Variants in LAP3 observed in about 807,000 individuals in gnomAD.
LAP3 encodes cytosol aminopeptidase.
Under a neutral mutation model 58.8 loss-of-function variants are expected in LAP3, and 46 were observed. The observed-to-expected ratio is 0.78, with a 90% CI of 0.62 to 1.00. LAP3 has a LOEUF of 1.00. Among genes scored for constraint, LAP3 ranks in the 50% least tolerant of loss-of-function variants. The pLI is 0.00. For missense variants in LAP3, 615 were observed against 659.1 expected, an observed-to-expected ratio of 0.93 and a Z score of 0.73; for synonymous variants, 257 against 237.7, an observed-to-expected ratio of 1.08 and a Z score of -0.75.
At chr4:17,580,837 T>C (rs1030572391) in intron 2 of LAP3, among the ~76,000 whole-genome samples, 1 of 152,212 alleles carries the variant, frequency 6.6e-6, no homozygotes, top group African/African-American at 2.4e-5. Flanking sequence ...TTGGCAGACA[T>C]GGAAGTATCC....
intron 7 of LAP3, among the ~76,000 whole-genome samples, chr4:17,591,817 C>T (rs990101623): frequency 1.3e-5 from 2 of 152,148 alleles, no homozygotes; most frequent in African/African-American, 2.4e-5. Context: ...GAAGCTTGGT[C>T]GCTGCGGGCC....
intron 12 of LAP3, 48 bp downstream of exon 12, chr4:17,606,986 C>T: frequency 3.3e-6 from 4 of 1,220,802 alleles, no homozygotes; most frequent in Non-Finnish European, 3.6e-6. Flanking sequence ...TCCTTGATTG[C>T]CAAAATAGCT....
intron 4 of LAP3, among the ~76,000 whole-genome samples, chr4:17,583,238 G>A (rs368816067): frequency 2.0e-5 from 3 of 152,282 alleles, no homozygotes; most frequent in East Asian, 3.9e-4. Context: ...TACGGCTCTG[G>A]GAGGAGCTAT....
At chr4:17,602,960 G>A (rs1179060582) in intron 10 of LAP3, among the ~76,000 whole-genome samples, 1 of 151,606 alleles carries the variant, frequency 6.6e-6, no homozygotes, top group Admixed American at 6.6e-5. Context: ...GGGATTACAG[G>A]TGTGAGCCAC....
chr4:17,577,322 C>A lies in LAP3; in HGVS notation c.-144C>A. On this transcript the variant is annotated 5_prime_UTR_variant, in exon 1 of 13. Coordinates refer to ENST00000226299, the MANE Select transcript of LAP3 (RefSeq NM_015907.3). ...GCCGGTGCTGCCCATCCGTCCCGCC[C>A]CCTAGACGCACGTCCGCTCGCCCGG... The A allele has an allele frequency of 1.4e-5, 5 of 367,404 alleles. No homozygotes were observed. The highest frequency in any genetic ancestry group is 2.2e-5 in the Non-Finnish European group (5 of 225,282). The allele number at this position is 367,404 out of a possible 1,614,324, so 22.8% of individuals were successfully genotyped here.
intron 7 of LAP3, among the ~76,000 whole-genome samples, chr4:17,590,813 G>C (rs923745294): frequency 1.3e-5 from 2 of 151,842 alleles, no homozygotes; most frequent in Non-Finnish European, 2.9e-5. Context: ...CTCGTCATCT[G>C]CCCGCCTCGG....
chr4:17,595,178 A>G (rs1713798174), intron 7 of LAP3, among the ~76,000 whole-genome samples: 1 of 150,392 alleles, frequency 6.6e-6, no homozygotes, highest in Non-Finnish European at 1.5e-5. Context: ...AGCTGGGACT[A>G]CAGGCGCCCA....
At chr4:17,604,786 T>C in intron 11 of LAP3, 119 bp downstream of exon 11, 1 of 763,184 alleles carries the variant, frequency 1.3e-6, no homozygotes, top group Non-Finnish European at 2.2e-6. Flanking sequence ...GGTTTGCCTT[T>C]GAATTGAAAA....
At chr4:17,592,664 A>G (rs1328510702) in intron 7 of LAP3, among the ~76,000 whole-genome samples, 1 of 152,182 alleles carries the variant, frequency 6.6e-6, no homozygotes, top group South Asian at 2.1e-4. Context: ...TTTCACTTCT[A>G]CCATCAATGT....
rs745777055 is a variant in LAP3 at position 17,582,268 on chromosome 4, T to G, written c.274-20T>G. ...GCTTGAAAGAAATAAAGTGGTTGAT[T>G]TGGTGTATCTGTGGGACAGGACTTC... On this transcript the variant is annotated intron_variant, in intron 3 of 12. Coordinates refer to ENST00000226299, the MANE Select transcript of LAP3 (RefSeq NM_015907.3). 6.3e-7 allele frequency: 1 copy of G among 1,593,614 alleles called. No homozygotes were observed. Among genetic ancestry groups the G allele is most frequent in the South Asian group, 1.1e-5 (1 of 90,438 alleles).
intron 8 of LAP3, among the ~76,000 whole-genome samples, chr4:17,596,261 G>GATT (rs1317371064): frequency 6.6e-6 from 1 of 152,112 alleles, no homozygotes; most frequent in African/African-American, 2.4e-5. Context: ...CTTTTCCGAG[G>GATT]ATTAATTCAG....
intron 10 of LAP3, among the ~76,000 whole-genome samples, chr4:17,600,406 G>A (rs1433320925): frequency 2.0e-5 from 3 of 151,774 alleles, no homozygotes; most frequent in African/African-American, 7.3e-5. Flanking sequence ...AGAGCTTCTA[G>A]GGTGGGGGGT....
At position 17,577,349 on chromosome 4, in the gene LAP3, G is replaced by A; in HGVS notation, c.-117G>A. 2.8e-6 allele frequency: 2 copies of A among 710,598 alleles called. No individual in the cohort carries two copies. Among genetic ancestry groups the A allele is most frequent in the Non-Finnish European group, 4.3e-6 (2 of 466,520 alleles). 44.0% of individuals were successfully genotyped at this position (710,598 alleles called of 1,614,324 possible). A position where few individuals can be genotyped will look rare whatever the true frequency, so the allele number is the denominator to read the frequency against. On this transcript the variant is annotated 5_prime_UTR_variant, in exon 1 of 13. Transcript: ENST00000226299. ...CTAGACGCACGTCCGCTCGCCCGGC[G>A]CCCGAGCCAGTCCGCGCGCACGCCG...
chr4:17,580,165 C>CAT lies in LAP3; in HGVS notation c.218+241_218+242dup, dbSNP rs372439585. 6.2e-3 allele frequency among the ~76,000 whole-genome samples: 287 copies of CAT among 45,950 alleles called. 85 individuals are homozygous for CAT. Among genetic ancestry groups the CAT allele is most frequent in the African/African-American group, 0.02 (155 of 7,826 alleles). The allele number at this position is 45,950 out of a possible 152,430, so 30.1% of individuals were successfully genotyped here. On this transcript the variant is annotated intron_variant, in intron 2 of 12. Transcript: ENST00000226299. Reference sequence around the variant, plus strand: ...GGCATGCCTCACCACTCCCGGCTTTCATATATATATATATATGTATTTTTT... The same window carrying CAT: ...GGCATGCCTCACCACTCCCGGCTTTCATATATATATATATATATGTATTTTTT...
At chr4:17,582,569 C>T in intron 4 of LAP3, 176 bp downstream of exon 4, 1 of 579,278 alleles carries the variant, frequency 1.7e-6, no homozygotes, top group Non-Finnish European at 3.1e-6. Context: ...ATGATAAATA[C>T]AGAAGGTTAG....
At position 17,607,703 on chromosome 4, in the gene LAP3, A is replaced by G. The variant is rs1714180268; in HGVS notation, c.*114A>G. The G allele has an allele frequency of 5.1e-6, 4 of 783,104 alleles. No individual in the cohort carries two copies. The highest frequency in any genetic ancestry group is 4.0e-4 in the Middle Eastern group (1 of 2,530). 48.5% of individuals were successfully genotyped at this position (783,104 alleles called of 1,614,324 possible). On this transcript the variant is annotated 3_prime_UTR_variant, in exon 13 of 13. Transcript: ENST00000226299. Reference sequence around the variant, plus strand: ...CGGAGACAAAGGATGGTATTTAAAAATGTAGAACACAATGAAATTTGTATG... The same window carrying G: ...CGGAGACAAAGGATGGTATTTAAAAGTGTAGAACACAATGAAATTTGTATG...
At chr4:17,583,433 T>C (rs766726354) in intron 4 of LAP3, 50 bp from the exon 5 acceptor site, 2 of 1,606,492 alleles carry the variant, frequency 1.2e-6, no homozygotes, top group Non-Finnish European at 1.7e-6. Flanking sequence ...GTCTGCTCTT[T>C]GAGTTGTCTT....
At chr4:17,585,511 C>T (rs1434314905) in intron 6 of LAP3, 1 of 164,982 alleles carries the variant, frequency 6.1e-6, no homozygotes, top group African/African-American at 2.5e-5. Flanking sequence ...AACATGGGCT[C>T]AATTTCCTGG....
intron 10 of LAP3, among the ~76,000 whole-genome samples, chr4:17,599,590 A>G (rs1713937672): frequency 6.6e-6 from 1 of 152,204 alleles, no homozygotes; most frequent in East Asian, 1.9e-4. Flanking sequence ...TGTTACAATT[A>G]CCATTTGATA....
Sources: gnomAD v4.1 joint callset for allele counts (sites outside exome capture counted in the v4.1 genomes callset) on GRCh38, gnomAD v4.1.1 for gene constraint, MANE v1.5 for transcripts, NCBI Gene and HGNC (gene_info 2026-07-23, HGNC 2026-07-21) for gene names.